Variants in CAMTA1 observed in about 807,000 individuals in gnomAD.
CAMTA1 encodes the protein calmodulin binding transcription activator 1.
CAMTA1 carries 27 observed loss-of-function variants against 170.9 expected under a neutral mutation model. The ratio of observed to expected loss-of-function variants is 0.16; its 90% CI spans 0.12 to 0.22. The LOEUF is 0.22. CAMTA1 is among the 10% of genes least tolerant of loss of function. CAMTA1 has a pLI of 1.00. For missense variants in CAMTA1, 1,619 were observed against 2,217.2 expected, an observed-to-expected ratio of 0.73 and a Z score of 5.42; for synonymous variants, 833 against 891.5, an observed-to-expected ratio of 0.93 and a Z score of 1.17.
chr1:6,858,611 G>T (rs1663414826), intron 3 of CAMTA1, among the ~76,000 whole-genome samples: 3 of 152,034 alleles, frequency 2.0e-5, no homozygotes, highest in Admixed American at 2.0e-4. Context: ...CAGTTAATTG[G>T]TCTGATCCTA....
intron 3 of CAMTA1, among the ~76,000 whole-genome samples, chr1:6,986,418 TG>T (rs1695370702): frequency 6.6e-6 from 1 of 152,124 alleles, no homozygotes; most frequent in Non-Finnish European, 1.5e-5. Flanking sequence ...GAAGGGGAAG[TG>T]GGCTTTGCCG....
At chr1:7,554,823 T>A (rs1342851526) in intron 6 of CAMTA1, among the ~76,000 whole-genome samples, 1 of 151,728 alleles carries the variant, frequency 6.6e-6, no homozygotes, top group East Asian at 1.9e-4. Flanking sequence ...CCCAACCCCA[T>A]GCCAAAAAAA....
At position 7,201,028 on chromosome 1, in the gene CAMTA1, T is replaced by C. The variant is rs529952617; in HGVS notation, c.303-48463T>C. On this transcript the variant is annotated intron_variant, in intron 4 of 22. Coordinates refer to ENST00000303635, the MANE Select transcript of CAMTA1 (RefSeq NM_015215.4). ...CCTCCAGAAGAAATGCCATGTTATGTAGCCATCACTTCACTATCTCCCCAT... is the reference window on the plus strand; with the variant it reads ...CCTCCAGAAGAAATGCCATGTTATGCAGCCATCACTTCACTATCTCCCCAT... 2.6e-5 allele frequency among the ~76,000 whole-genome samples: 4 copies of C among 152,336 alleles called. No individual in the cohort carries two copies. The East Asian group carries it at 7.7e-4, about 29-fold the overall frequency.
chr1:6,830,000 G>A (rs1649098442), intron 3 of CAMTA1, among the ~76,000 whole-genome samples: 1 of 151,454 alleles, frequency 6.6e-6, no homozygotes, highest in Non-Finnish European at 1.5e-5. Context: ...TCTCCTACGT[G>A]TATTTTGATA....
chr1:7,217,033 C>T lies in CAMTA1; in HGVS notation c.303-32458C>T, dbSNP rs564175116. ...TGCCATCCTTTTAGTTTTAGGCTTT[C>T]TGAATCTCTTTGATATGGTTCGGCT... On this transcript the variant is annotated intron_variant, in intron 4 of 22. Coordinates refer to ENST00000303635, the MANE Select transcript of CAMTA1 (RefSeq NM_015215.4). 2.2e-4 allele frequency among the ~76,000 whole-genome samples: 33 copies of T among 152,282 alleles called. No homozygotes were observed. In the South Asian group the frequency reaches 6.8e-3, roughly 32 times the overall value.
chr1:7,452,013 G>C (rs943185515), intron 5 of CAMTA1, among the ~76,000 whole-genome samples: 1 of 152,238 alleles, frequency 6.6e-6, no homozygotes, highest in South Asian at 2.1e-4. Context: ...CCGCAGTGCT[G>C]AGGTTTGGAC....
At chr1:6,799,442 C>G (rs1643385695) in intron 1 of CAMTA1, among the ~76,000 whole-genome samples, 1 of 152,242 alleles carries the variant, frequency 6.6e-6, no homozygotes, top group South Asian at 2.1e-4. Flanking sequence ...CCTGTGCTGT[C>G]TTTGCTGCCA....
Position 7,664,169 on chromosome 1 carries a change from A to G in CAMTA1, c.1622A>G (p.Gln541Arg), listed in dbSNP as rs1268565347. 1.4e-5 allele frequency: 22 copies of G among 1,612,968 alleles called. No individual in the cohort carries two copies. Among genetic ancestry groups the G allele is most frequent in the Non-Finnish European group, 1.9e-5 (22 of 1,180,038 alleles). Residue 541 changes from glutamine to arginine, a missense_variant, in exon 9 of 23, where the codon CAG (glutamine) becomes CGG (arginine). Around this residue, in one of 8 missense-constraint regions of CAMTA1, gnomAD observed 731 missense variants for 907.6 expected, o/e 0.81. Coordinates refer to ENST00000303635, the MANE Select transcript of CAMTA1 (RefSeq NM_015215.4). Reference sequence around the variant, plus strand: ...AAGACCGAGGACACCTCCTTCGAGCAGCAGATGGCCAAAGAAGCGTACTCC... The same window carrying G: ...AAGACCGAGGACACCTCCTTCGAGCGGCAGATGGCCAAAGAAGCGTACTCC... ...EIKTEDTSFE[Q>R]QMAKEAYSSS...
chr1:7,492,599 G>C (rs61369743), intron 6 of CAMTA1, among the ~76,000 whole-genome samples: 3 of 146,062 alleles, frequency 2.1e-5, no homozygotes, highest in African/African-American at 7.7e-5. Context: ...ACACACGCGT[G>C]CACACACACA....
At chr1:7,573,128 A>G (rs775019151) in intron 6 of CAMTA1, among the ~76,000 whole-genome samples, 1 of 152,238 alleles carries the variant, frequency 6.6e-6, no homozygotes, top group African/African-American at 2.4e-5. Context: ...ATGGAGTGGC[A>G]TGCAGGAACA....
chr1:7,037,386 G>A (rs896813091), intron 3 of CAMTA1, among the ~76,000 whole-genome samples: 4 of 152,140 alleles, frequency 2.6e-5, no homozygotes, highest in Non-Finnish European at 5.9e-5. Flanking sequence ...TCCCACTTGA[G>A]GTGGCACGTT....
intron 3 of CAMTA1, among the ~76,000 whole-genome samples, chr1:6,884,665 A>G (rs966481483): frequency 3.3e-5 from 5 of 152,072 alleles, no homozygotes; most frequent in Non-Finnish European, 5.9e-5. Flanking sequence ...TACAAACCCC[A>G]CTGTTAGGAA....
In CAMTA1 at chr1:6,889,619, G is replaced by A. The variant is rs187780340; in HGVS notation, c.234+64409G>A. Among the ~76,000 whole-genome samples the A allele has an allele frequency of 3.4e-3, 512 of 152,210 alleles. 4 individuals carry two copies. Among genetic ancestry groups the A allele is most frequent in the African/African-American group, 0.011 (447 of 41,514 alleles). ...ATGTTTTAATCATGCTTAATAAATG[G>A]TACTGTAGTTTTATTATGGTTAATG... On this transcript the variant is annotated intron_variant, in intron 3 of 22. Transcript: ENST00000303635.
At chr1:6,941,836 C>A (rs976113603) in intron 3 of CAMTA1, among the ~76,000 whole-genome samples, 3 of 152,202 alleles carry the variant, frequency 2.0e-5, no homozygotes, top group African/African-American at 7.2e-5. Flanking sequence ...GCTAGAAGCC[C>A]ATGTGTCCAC....
intron 3 of CAMTA1, among the ~76,000 whole-genome samples, chr1:6,854,925 G>T (rs529360060): frequency 6.6e-6 from 1 of 152,194 alleles, no homozygotes; most frequent in South Asian, 2.1e-4. Flanking sequence ...GTGAAATGTT[G>T]GAAGTTTTCT....
intron 3 of CAMTA1, among the ~76,000 whole-genome samples, chr1:7,087,689 C>T (rs1290064493): frequency 6.6e-6 from 1 of 152,190 alleles, no homozygotes; most frequent in Non-Finnish European, 1.5e-5. Flanking sequence ...CCTCAGTTTC[C>T]ACACCTGTAA....
chr1:7,729,622 C>T (rs75282311), intron 11 of CAMTA1, among the ~76,000 whole-genome samples: 2 of 152,210 alleles, frequency 1.3e-5, no homozygotes, highest in African/African-American at 4.8e-5. Flanking sequence ...CTTCCCATCA[C>T]CCTTCCTTCT....
chr1:7,678,737 A>G (rs919935590), intron 11 of CAMTA1, among the ~76,000 whole-genome samples: 1 of 152,272 alleles, frequency 6.6e-6, no homozygotes, highest in South Asian at 2.1e-4. Context: ...AGACCTTGCT[A>G]GCCCAGGATG....
intron 1 of CAMTA1, among the ~76,000 whole-genome samples, chr1:6,816,503 T>A (rs1448395575): frequency 6.6e-6 from 1 of 152,160 alleles, no homozygotes; most frequent in Non-Finnish European, 1.5e-5. Context: ...CACAGGCTAC[T>A]CTAAAGGTAC....
Sources: allele counts gnomAD v4.1 joint callset (sites outside exome capture counted in the v4.1 genomes callset), GRCh38; gene constraint gnomAD v4.1.1; regional missense constraint gnomAD v4.1.1; transcripts MANE v1.5; gene names NCBI Gene and HGNC (gene_info 2026-07-23, HGNC 2026-07-21).